ASH1L: variants seen among roughly 807,000 people sequenced by gnomAD.
The protein encoded by ASH1L is histone-lysine N-methyltransferase ASH1L.
In ASH1L, 23 loss-of-function variants were observed where a neutral mutation model predicts 269.0. The ratio of observed to expected loss-of-function variants is 0.09; its 90% CI spans 0.06 to 0.12. ASH1L has a LOEUF of 0.12. Among genes scored for constraint, ASH1L ranks in the 10% least tolerant of loss-of-function variants. ASH1L has a pLI of 1.00. For missense variants in ASH1L, 2,912 were observed against 3,567.8 expected, an observed-to-expected ratio of 0.82 and a Z score of 4.68; for synonymous variants, 1,187 against 1,253.5, an observed-to-expected ratio of 0.95 and a Z score of 1.12.
At position 155,536,913 on chromosome 1, in the gene ASH1L, C is replaced by T. The variant is rs186241995; in HGVS notation, c.-99-15295G>A. Among the ~76,000 whole-genome samples the T allele has an allele frequency of 6.1e-3, 932 of 151,570 alleles. 11 individuals carry two copies. The highest frequency in any genetic ancestry group is 0.022 in the African/African-American group (907 of 41,286). On this transcript the variant is annotated intron_variant, in intron 1 of 27. Coordinates refer to ENST00000392403, the MANE Select transcript of ASH1L (RefSeq NM_018489.3). ...AAAAAAAATTAGCCGGGCGTGGTGGCGAGTGCCTGTAGTCCCAGCTACTTG... is the reference window on the plus strand; with the variant it reads ...AAAAAAAATTAGCCGGGCGTGGTGGTGAGTGCCTGTAGTCCCAGCTACTTG...
chr1:155,524,941 T>A (rs748329143), intron 1 of ASH1L, among the ~76,000 whole-genome samples: 10 of 152,134 alleles, frequency 6.6e-5, no homozygotes, highest in South Asian at 2.1e-4. Flanking sequence ...TAAAAATAAA[T>A]AATAATTTTA....
At chr1:155,487,904 T>C (rs1440528902) in intron 2 of ASH1L, among the ~76,000 whole-genome samples, 1 of 151,988 alleles carries the variant, frequency 6.6e-6, no homozygotes, top group Non-Finnish European at 1.5e-5. Flanking sequence ...TTTTTTTTTT[T>C]TGAAATGGAG....
At chr1:155,532,694 G>A (rs1444930879) in intron 1 of ASH1L, among the ~76,000 whole-genome samples, 2 of 151,598 alleles carry the variant, frequency 1.3e-5, no homozygotes, top group East Asian at 1.9e-4. Context: ...GTGGTGGCAG[G>A]TGCCTGTCAT....
chr1:155,478,424 T>C lies in ASH1L; in HGVS notation c.4446A>G (p.Lys1482=), dbSNP rs1194037785. The C allele has an allele frequency of 6.2e-7, 1 of 1,614,046 alleles. No homozygotes were observed. The highest frequency in any genetic ancestry group is 8.5e-7 in the Non-Finnish European group (1 of 1,179,990). The change falls in exon 3 of 28, where the codon AAA becomes AAG. Residue 1482 remains lysine (K), a synonymous_variant. Transcript: ENST00000392403. This position sits in a 1 kb window ranked among gnomAD's most constrained non-coding sequence, Gnocchi z 4.6. ...CTCTGTGTTTGTGACGGTGCCTGTG[T>C]TTGTGCTCAACCATCCAACCATAGG... ...EMAYGWMVEH[K]HRHRHKHREH...
chr1:155,483,489 C>A (rs1004005931), intron 2 of ASH1L, among the ~76,000 whole-genome samples: 1 of 151,930 alleles, frequency 6.6e-6, no homozygotes, highest in African/African-American at 2.4e-5. Flanking sequence ...AATGAAAAGA[C>A]AAACAAACCA....
chr1:155,554,083 G>GA (rs1671409695), intron 1 of ASH1L, among the ~76,000 whole-genome samples: 1 of 141,726 alleles, frequency 7.1e-6, no homozygotes, highest in Non-Finnish European at 1.6e-5. Context: ...CCCGGCCCGA[G>GA]TTTTTTTTTT....
intron 10 of ASH1L, among the ~76,000 whole-genome samples, chr1:155,371,821 G>A (rs1655977401): frequency 6.6e-6 from 1 of 150,972 alleles, no homozygotes; most frequent in Non-Finnish European, 1.5e-5. Flanking sequence ...AGCCTCCCGA[G>A]TAGCTGGGAT....
intron 3 of ASH1L, among the ~76,000 whole-genome samples, chr1:155,476,299 T>C (rs1275284195): frequency 2.0e-5 from 3 of 151,798 alleles, no homozygotes; most frequent in Non-Finnish European, 4.4e-5. Flanking sequence ...GGCAGGAGAA[T>C]CGCTTGAACC....
chr1:155,474,986 A>G (rs1222574980), intron 3 of ASH1L, among the ~76,000 whole-genome samples: 1 of 152,172 alleles, frequency 6.6e-6, no homozygotes, highest in African/African-American at 2.4e-5. Context: ...TCTTAATATA[A>G]AATCCAAAAT....
chr1:155,544,724 A>C (rs1204545521), intron 1 of ASH1L, among the ~76,000 whole-genome samples: 2 of 152,224 alleles, frequency 1.3e-5, no homozygotes, highest in African/African-American at 4.8e-5. Flanking sequence ...GATTGGGAGA[A>C]AATATAAACA....
At chr1:155,463,316 T>C (rs951636092) in intron 3 of ASH1L, among the ~76,000 whole-genome samples, 1 of 152,144 alleles carries the variant, frequency 6.6e-6, no homozygotes, top group East Asian at 1.9e-4. Context: ...CTGCTACAAA[T>C]TAAACTAGAG....
intron 1 of ASH1L, among the ~76,000 whole-genome samples, chr1:155,534,109 A>C (rs1476699942): frequency 6.6e-6 from 1 of 150,926 alleles, no homozygotes; most frequent in African/African-American, 2.4e-5. Flanking sequence ...CAGAAGGTCA[A>C]GGCTATAGTG....
intron 15 of ASH1L, among the ~76,000 whole-genome samples, chr1:155,356,630 G>A (rs376423405): frequency 2.7e-5 from 4 of 146,578 alleles, no homozygotes; most frequent in Admixed American, 1.4e-4. Flanking sequence ...GCGACACAGC[G>A]AGACTCCGTC....
In ASH1L at chr1:155,343,270, T is replaced by C; in HGVS notation, c.8293+44A>G. The C allele has an allele frequency of 6.3e-7, 1 of 1,578,510 alleles. No homozygotes were observed. The highest frequency in any genetic ancestry group is 8.6e-7 in the Non-Finnish European group (1 of 1,161,046). ...CGCTGGGATTATCAGCGTGAGCCAC[T>C]GCACTTGGCCGAGGTCATTTTTTAA... On this transcript the variant is annotated intron_variant, in intron 24 of 27. Coordinates refer to ENST00000392403, the MANE Select transcript of ASH1L (RefSeq NM_018489.3). The surrounding 1 kb of genome is among the most constrained non-coding windows in gnomAD (Gnocchi z 6.1).
intron 17 of ASH1L, among the ~76,000 whole-genome samples, chr1:155,350,594 C>T (rs911632214): frequency 2.0e-5 from 3 of 152,156 alleles, no homozygotes; most frequent in Non-Finnish European, 4.4e-5. Context: ...AAAGTGCTTT[C>T]TAGTTCTCAT....
chr1:155,339,468 A>G, intron 25 of ASH1L, 100 bp from the exon 26 acceptor site: 1 of 993,994 alleles, frequency 1.0e-6, no homozygotes, highest in South Asian at 1.5e-5. Context: ...AGGGCAGTAG[A>G]CAAGTTGGGT....
At chr1:155,510,481 C>T (rs1668099307) in intron 2 of ASH1L, among the ~76,000 whole-genome samples, 1 of 148,358 alleles carries the variant, frequency 6.7e-6, no homozygotes, top group East Asian at 2.0e-4. Context: ...TTCTCATAGT[C>T]TTGTTATGGA....
chr1:155,521,024 T>C, intron 2 of ASH1L, 76 bp downstream of exon 2: 2 of 1,408,388 alleles, frequency 1.4e-6, no homozygotes, highest in Non-Finnish European at 9.6e-7. Context: ...CTCCCGGAAA[T>C]ACATATATAG....
At chr1:155,534,494 G>C (rs1669914444) in intron 1 of ASH1L, among the ~76,000 whole-genome samples, 1 of 151,848 alleles carries the variant, frequency 6.6e-6, no homozygotes, top group African/African-American at 2.4e-5. Flanking sequence ...ACCATTTGGA[G>C]ACTCATTCAA....
Sources: allele counts gnomAD v4.1 joint callset (sites outside exome capture counted in the v4.1 genomes callset), GRCh38; gene constraint gnomAD v4.1.1; non-coding constraint Gnocchi (gnomAD v3.1); transcripts MANE v1.5; gene names NCBI Gene and HGNC (gene_info 2026-07-23, HGNC 2026-07-21).